RHOH: variants seen among roughly 807,000 people sequenced by gnomAD.
RHOH encodes the protein ras homolog family member H.
A neutral mutation model predicts 13.8 loss-of-function variants in RHOH; 6 were observed. That is an observed-to-expected ratio of 0.44 (90% CI 0.24 to 0.86). RHOH has a LOEUF of 0.86. Ranked by LOEUF, RHOH falls within the 40% of genes least tolerant of loss-of-function variation. The pLI is 0.24. For missense variants in RHOH, 147 were observed against 244.5 expected (o/e 0.60, Z 2.66); for synonymous variants, 117 against 103.0 (o/e 1.14, Z -0.82).
chr4:40,207,175 C>T (rs574340120), intron 1 of RHOH, among the ~76,000 whole-genome samples: 21 of 151,018 alleles, frequency 1.4e-4, no homozygotes, highest in East Asian at 7.8e-4. Flanking sequence ...CACTGCACTC[C>T]GGCCCAGACA....
chr4:40,227,869 C>G (rs1335484127), intron 1 of RHOH, among the ~76,000 whole-genome samples: 1 of 152,072 alleles, frequency 6.6e-6, no homozygotes. Context: ...GAAAACAAGT[C>G]AAACTTGCAA....
At chr4:40,215,356 A>G (rs1420475957) in intron 1 of RHOH, among the ~76,000 whole-genome samples, 2 of 152,244 alleles carry the variant, frequency 1.3e-5, no homozygotes, top group Non-Finnish European at 2.9e-5. Context: ...TCATTGCCAT[A>G]GAAAAATGAT....
At chr4:40,225,240 T>C (rs887578167) in intron 1 of RHOH, among the ~76,000 whole-genome samples, 7 of 152,144 alleles carry the variant, frequency 4.6e-5, no homozygotes, top group Admixed American at 3.3e-4. Context: ...GCCTCCCAAG[T>C]AGCTGGACTT....
intron 1 of RHOH, among the ~76,000 whole-genome samples, chr4:40,215,727 A>G (rs949351503): frequency 6.6e-6 from 1 of 152,134 alleles, no homozygotes; most frequent in African/African-American, 2.4e-5. Context: ...TCAAGAGTTC[A>G]AGACCAGCCT....
chr4:40,231,826 G>A (rs1727982401), intron 1 of RHOH, among the ~76,000 whole-genome samples: 1 of 152,220 alleles, frequency 6.6e-6, no homozygotes, highest in South Asian at 2.1e-4. Flanking sequence ...GCTTCCTACA[G>A]CCCAGCTTGA....
upstream of RHOH, among the ~76,000 whole-genome samples, chr4:40,195,955 C>T (rs2109335248): frequency 6.6e-6 from 1 of 152,350 alleles, no homozygotes; most frequent in Admixed American, 6.5e-5. Flanking sequence ...CAAGCACAGT[C>T]ATCTGCTTTC....
At chr4:40,222,973 G>C (rs765767516) in intron 1 of RHOH, among the ~76,000 whole-genome samples, 5 of 152,210 alleles carry the variant, frequency 3.3e-5, no homozygotes, top group African/African-American at 1.2e-4. Flanking sequence ...TAAGATGCTA[G>C]TGGAGGAAGT....
chr4:40,232,968 G>A (rs1217907299), intron 1 of RHOH, among the ~76,000 whole-genome samples: 40 of 152,258 alleles, frequency 2.6e-4, no homozygotes, highest in Non-Finnish European at 2.4e-4. Flanking sequence ...TCTCCTGTGT[G>A]TCTGTAGTAC....
intron 1 of RHOH, among the ~76,000 whole-genome samples, chr4:40,197,544 T>G (rs1723347873): frequency 6.6e-6 from 1 of 152,222 alleles, no homozygotes; most frequent in African/African-American, 2.4e-5. Flanking sequence ...GCTTTTTGGT[T>G]TTCCAGATAT....
intron 1 of RHOH, among the ~76,000 whole-genome samples, chr4:40,229,408 G>A (rs541337333): frequency 6.6e-6 from 1 of 152,152 alleles, no homozygotes; most frequent in African/African-American, 2.4e-5. Flanking sequence ...GGCTGAGGAG[G>A]GTGGATCACC....
intron 1 of RHOH, among the ~76,000 whole-genome samples, chr4:40,200,139 G>C (rs1010365363): frequency 2.0e-5 from 3 of 152,166 alleles, no homozygotes; most frequent in Non-Finnish European, 4.4e-5. Flanking sequence ...AGAGCAAGGA[G>C]GGTGTCAGAG....
chr4:40,209,367 A>G (rs1434838171), intron 1 of RHOH: 1 of 152,230 alleles, frequency 6.6e-6, no homozygotes, highest in Non-Finnish European at 1.5e-5. Flanking sequence ...TTTAAGCAAA[A>G]TATAAAATAT....
chr4:40,231,036 T>C (rs1727867060), intron 1 of RHOH, among the ~76,000 whole-genome samples: 1 of 152,118 alleles, frequency 6.6e-6, no homozygotes, highest in South Asian at 2.1e-4. Context: ...ATGCGTATCG[T>C]GGACACATTT....
At chr4:40,208,622 C>T (rs1253790927) in intron 1 of RHOH, among the ~76,000 whole-genome samples, 2 of 152,056 alleles carry the variant, frequency 1.3e-5, no homozygotes, top group East Asian at 3.9e-4. Flanking sequence ...GGCCTTTTTT[C>T]AGAAAAATTG....
In RHOH at chr4:40,243,342, T is replaced by C; in HGVS notation, c.-45T>C. ...CTGCAGCTGCCCACTGAGGGCTCTT[T>C]TCCCTGGGATTCTGGACTTCAGAGT... On this transcript the variant is annotated 5_prime_UTR_variant, in exon 3 of 3. Transcript: ENST00000381799. This position sits in a 1 kb window ranked among gnomAD's most constrained non-coding sequence, Gnocchi z 6.2. 1 of 1,515,890 alleles carries C rather than the reference T, an allele frequency of 6.6e-7. No individual in the cohort carries two copies. The highest frequency in any genetic ancestry group is 8.9e-7 in the Non-Finnish European group (1 of 1,127,254). The allele number at this position is 1,515,890 out of a possible 1,614,324, so 93.9% of individuals were successfully genotyped here. A position where few individuals can be genotyped will look rare whatever the true frequency, so the allele number is the denominator to read the frequency against.
upstream of RHOH, among the ~76,000 whole-genome samples, chr4:40,194,754 C>T (rs998736663): frequency 6.6e-6 from 1 of 152,204 alleles, no homozygotes; most frequent in African/African-American, 2.4e-5. Context: ...TACTAATCTC[C>T]TGCTGCACTC....
At chr4:40,240,885 A>G (rs943945761) in intron 1 of RHOH, among the ~76,000 whole-genome samples, 1 of 147,802 alleles carries the variant, frequency 6.8e-6, no homozygotes, top group African/African-American at 2.5e-5. Context: ...GGCCAGGTGC[A>G]GTAGCTCATG....
intron 1 of RHOH, among the ~76,000 whole-genome samples, chr4:40,229,588 C>A (rs1727656313): frequency 6.7e-6 from 1 of 148,876 alleles, no homozygotes; most frequent in African/African-American, 2.5e-5. Flanking sequence ...GAGTTGAGAT[C>A]TTGCCATTGC....
intron 1 of RHOH, among the ~76,000 whole-genome samples, chr4:40,216,040 G>C (rs996233126): frequency 1.3e-5 from 2 of 151,582 alleles, no homozygotes; most frequent in African/African-American, 4.9e-5. Context: ...ACTGCAGCTC[G>C]TTTTCCGCTT....
Sources: gnomAD v4.1 joint callset for allele counts (sites outside exome capture counted in the v4.1 genomes callset) on GRCh38, gnomAD v4.1.1 for gene constraint, Gnocchi (gnomAD v3.1) non-coding constraint, MANE v1.5 for transcripts, NCBI Gene and HGNC (gene_info 2026-07-23, HGNC 2026-07-21) for gene names.